LINGO2: variants seen among roughly 807,000 people sequenced by gnomAD.
The protein encoded by LINGO2 is leucine-rich repeat and immunoglobulin-like domain-containing nogo receptor-interacting protein 2.
LINGO2 carries 14 observed loss-of-function variants against 30.6 expected under a neutral mutation model. The ratio of observed to expected loss-of-function variants is 0.46; its 90% CI spans 0.30 to 0.72. The LOEUF (loss-of-function observed/expected upper bound fraction) is 0.72, where lower values mean the gene tolerates loss of function less well. Among genes scored for constraint, LINGO2 ranks in the 30% least tolerant of loss-of-function variants. The pLI, the probability that LINGO2 is intolerant of heterozygous loss-of-function variation, is 0.07. For synonymous variants in LINGO2, 317 were observed against 288.5 expected (o/e 1.10, Z -1.00); for missense variants, 729 against 751.7 (o/e 0.97, Z 0.35).
At chr9:28,231,868 A>C (rs1473361827) in intron 4 of LINGO2, among the ~76,000 whole-genome samples, 6 of 152,140 alleles carry the variant, frequency 3.9e-5, no homozygotes, top group African/African-American at 1.4e-4. Flanking sequence ...ATTGCTAGGC[A>C]TCTTAAAAAA....
At chr9:28,526,018 T>C (rs534536745) in intron 1 of LINGO2, among the ~76,000 whole-genome samples, 1 of 120,864 alleles carries the variant, frequency 8.3e-6, no homozygotes, top group African/African-American at 3.3e-5. Flanking sequence ...ATTGCGCCAC[T>C]GCACTCCAGC....
At chr9:28,022,142 T>A (rs907497641) in intron 4 of LINGO2, among the ~76,000 whole-genome samples, 2 of 152,070 alleles carry the variant, frequency 1.3e-5, no homozygotes, top group African/African-American at 4.8e-5. Context: ...TTATTAAAAA[T>A]TAAATTTTGC....
At chr9:28,801,799 C>G in the LINGO2 span, among the ~76,000 whole-genome samples, 1 of 152,050 alleles carries the variant, frequency 6.6e-6, no homozygotes, top group African/African-American at 2.4e-5. Context: ...GGGAGCTACA[C>G]ACTTGGTAGA....
chr9:28,679,911 A>G, the LINGO2 span, among the ~76,000 whole-genome samples: 3 of 152,024 alleles, frequency 2.0e-5, no homozygotes, highest in Non-Finnish European at 4.4e-5. Context: ...TAATTACTAT[A>G]TACATTTCAT....
chr9:28,684,954 G>A, the LINGO2 span, among the ~76,000 whole-genome samples: 2 of 152,242 alleles, frequency 1.3e-5, no homozygotes, highest in African/African-American at 2.4e-5. Flanking sequence ...ACACGTGATA[G>A]GTGATTTTTT....
At chr9:28,065,222 C>G (rs1329688603) in intron 4 of LINGO2, among the ~76,000 whole-genome samples, 1 of 151,526 alleles carries the variant, frequency 6.6e-6, no homozygotes. Flanking sequence ...AACACTGTCT[C>G]AAGATCAATC....
chr9:28,003,386 T>TAGATATAG (rs1554653804), intron 5 of LINGO2, among the ~76,000 whole-genome samples: 1 of 134,878 alleles, frequency 7.4e-6, no homozygotes, highest in African/African-American at 3.0e-5. Flanking sequence ...TAGATAGATA[T>TAGATATAG]AGAGAGAGAG....
chr9:27,944,993 C>T (rs1823308612), downstream of LINGO2, among the ~76,000 whole-genome samples: 1 of 152,172 alleles, frequency 6.6e-6, no homozygotes, highest in Admixed American at 6.6e-5. Context: ...TGTCTGCCTC[C>T]AACCTTCTTT....
chr9:28,430,383 G>C (rs1240003249), intron 2 of LINGO2, among the ~76,000 whole-genome samples: 1 of 152,084 alleles, frequency 6.6e-6, no homozygotes, highest in Non-Finnish European at 1.5e-5. Flanking sequence ...AGCATCCTAT[G>C]CTCTGTCATA....
At chr9:28,341,860 C>T (rs560793627) in intron 3 of LINGO2, among the ~76,000 whole-genome samples, 1 of 152,250 alleles carries the variant, frequency 6.6e-6, no homozygotes, top group African/African-American at 2.4e-5. Flanking sequence ...TAAAACACCA[C>T]ATACCCACAA....
the LINGO2 span, among the ~76,000 whole-genome samples, chr9:28,903,417 C>A: frequency 1.3e-5 from 2 of 152,140 alleles, no homozygotes; most frequent in South Asian, 4.1e-4. Flanking sequence ...CAGGACATAA[C>A]AGCTTCACTG....
intron 1 of LINGO2, among the ~76,000 whole-genome samples, chr9:28,569,267 C>A (rs1823551486): frequency 6.6e-6 from 1 of 151,860 alleles, no homozygotes; most frequent in South Asian, 2.1e-4. Flanking sequence ...TCCGTATGAT[C>A]CAGCAATCCC....
chr9:28,208,748 T>C (rs1820494416), intron 4 of LINGO2, among the ~76,000 whole-genome samples: 1 of 152,018 alleles, frequency 6.6e-6, no homozygotes, highest in African/African-American at 2.4e-5. Context: ...CATTAACCTA[T>C]GTACTCATAG....
At chr9:27,951,057 AT>A (rs2118344771) in intron 5 of LINGO2, among the ~76,000 whole-genome samples, 1 of 152,302 alleles carries the variant, frequency 6.6e-6, no homozygotes, top group East Asian at 1.9e-4. Context: ...CTCAGTTTTA[AT>A]TTAAATGAAA....
At chr9:28,346,310 C>T (rs547696626) in intron 3 of LINGO2, among the ~76,000 whole-genome samples, 1 of 152,210 alleles carries the variant, frequency 6.6e-6, no homozygotes, top group African/African-American at 2.4e-5. Flanking sequence ...GTATTCATTC[C>T]CGCATTGGTT....
At chr9:28,403,445 T>C (rs7020846) in intron 2 of LINGO2, among the ~76,000 whole-genome samples, 115,393 of 152,048 alleles carry the variant, frequency 0.76, 44,536 homozygotes, top group Non-Finnish European at 0.83. Context: ...CTAGCTCTTC[T>C]GGCTCTTTCT....
At chr9:28,656,558 A>C (rs1563896992) in intron 1 of LINGO2, among the ~76,000 whole-genome samples, 2 of 152,114 alleles carry the variant, frequency 1.3e-5, no homozygotes, top group African/African-American at 4.8e-5. Flanking sequence ...GATGTAATTT[A>C]CAGAATAACT....
intron 4 of LINGO2, among the ~76,000 whole-genome samples, chr9:28,061,884 A>G (rs1825155348): frequency 6.6e-6 from 1 of 152,156 alleles, no homozygotes; most frequent in Non-Finnish European, 1.5e-5. Flanking sequence ...AAAATAACTT[A>G]TGAATAGTGT....
chr9:28,224,871 G>A (rs185310425), intron 4 of LINGO2, among the ~76,000 whole-genome samples: 39 of 152,064 alleles, frequency 2.6e-4, no homozygotes, highest in Middle Eastern at 6.8e-3. Flanking sequence ...TACCGGAATC[G>A]AAATATACTA....
Sources: gnomAD v4.1 joint callset for allele counts (sites outside exome capture counted in the v4.1 genomes callset) on GRCh38, gnomAD v4.1.1 for gene constraint, MANE v1.5 for transcripts, NCBI Gene and HGNC (gene_info 2026-07-23, HGNC 2026-07-21) for gene names.